The following PDE4D variants were observed in gnomAD, a reference collection of about 807,000 sequenced individuals.
The protein encoded by PDE4D is phosphodiesterase 4D.
In PDE4D, 24 loss-of-function variants were observed where a neutral mutation model predicts 87.4. The ratio of observed to expected loss-of-function variants is 0.27; its 90% CI spans 0.20 to 0.39. PDE4D has a LOEUF of 0.39. Ranked by LOEUF, PDE4D falls within the 10% of genes least tolerant of loss-of-function variation. PDE4D has a pLI of 1.00. For synonymous variants in PDE4D, 384 were observed against 383.2 expected, an observed-to-expected ratio of 1.00 and a Z score of -0.02; for missense variants, 714 against 1,041.0, an observed-to-expected ratio of 0.69 and a Z score of 4.32.
chr5:59,147,194 G>A (rs903715654), intron 5 of PDE4D, among the ~76,000 whole-genome samples: 1 of 152,156 alleles, frequency 6.6e-6, no homozygotes, highest in Non-Finnish European at 1.5e-5. Flanking sequence ...GACCACTGCT[G>A]TATAGCTACA....
chr5:58,990,200 C>T (rs1044527934), intron 9 of PDE4D, among the ~76,000 whole-genome samples: 2 of 152,102 alleles, frequency 1.3e-5, no homozygotes, highest in African/African-American at 2.4e-5. Flanking sequence ...TTTCTATGTC[C>T]CATTATCATG....
At chr5:59,654,832 C>T (rs1015151696) in intron 1 of PDE4D, among the ~76,000 whole-genome samples, 7 of 151,920 alleles carry the variant, frequency 4.6e-5, no homozygotes, top group African/African-American at 1.2e-4. Context: ...TATGTCATTC[C>T]GGCTTCTTTC....
At chr5:59,777,801 T>A (rs1018703086) in intron 1 of PDE4D, among the ~76,000 whole-genome samples, 2 of 152,196 alleles carry the variant, frequency 1.3e-5, no homozygotes, top group African/African-American at 4.8e-5. Flanking sequence ...ATAACAGTAT[T>A]ACATAACAAA....
intron 2 of PDE4D, among the ~76,000 whole-genome samples, chr5:59,203,758 G>A: frequency 6.6e-6 from 1 of 152,210 alleles, no homozygotes; most frequent in Non-Finnish European, 1.5e-5. Flanking sequence ...TAAATACCAT[G>A]TGATCTCACA....
chr5:60,451,309 C>T (rs1746079886), intron 1 of PDE4D, among the ~76,000 whole-genome samples: 1 of 152,072 alleles, frequency 6.6e-6, no homozygotes, highest in African/African-American at 2.4e-5. Flanking sequence ...TACCTGTACA[C>T]AATGTATAAT....
At position 59,425,317 on chromosome 5, in the gene PDE4D, T is replaced by C. The variant is rs1795036760; in HGVS notation, c.456-209349A>G. ...AGCTCTGAAGTTCTCCCTGATTTAA[T>C]TGATTCACATAAGGTTTTTTCCACC... On this transcript the variant is annotated intron_variant, in intron 1 of 14. Transcript: ENST00000340635. Among the ~76,000 whole-genome samples the C allele has an allele frequency of 2.0e-5, 3 of 152,340 alleles. No individual in the cohort carries two copies. In the South Asian group the frequency reaches 6.2e-4, roughly 32 times the overall value.
intron 1 of PDE4D, among the ~76,000 whole-genome samples, chr5:59,248,615 T>C (rs1475246484): frequency 1.3e-5 from 2 of 152,204 alleles, no homozygotes; most frequent in Admixed American, 6.6e-5. Flanking sequence ...AGTTACATCA[T>C]TGTTATAGTT....
intron 11 of PDE4D, among the ~76,000 whole-genome samples, chr5:58,982,899 C>T (rs1037854950): frequency 1.2e-4 from 19 of 152,324 alleles, no homozygotes; most frequent in African/African-American, 3.1e-4. Context: ...CAAGGTCACA[C>T]TTTGGTGAGC....
At chr5:59,918,961 A>T (rs1754374740) in intron 3 of PDE4D, among the ~76,000 whole-genome samples, 1 of 152,226 alleles carries the variant, frequency 6.6e-6, no homozygotes, top group African/African-American at 2.4e-5. Flanking sequence ...TGAATAGTTG[A>T]AATATTCAAG....
At chr5:60,067,297 C>G (rs1387271953) in intron 2 of PDE4D, among the ~76,000 whole-genome samples, 6 of 151,926 alleles carry the variant, frequency 3.9e-5, no homozygotes, top group Non-Finnish European at 1.5e-5. Flanking sequence ...ATTGGACTGG[C>G]CCAGACACAC....
At chr5:59,285,650 G>GA (rs944323402) in intron 1 of PDE4D, among the ~76,000 whole-genome samples, 2 of 152,122 alleles carry the variant, frequency 1.3e-5, no homozygotes, top group Non-Finnish European at 2.9e-5. Context: ...AAATATTTAG[G>GA]AAAAATGGCC....
intron 6 of PDE4D, among the ~76,000 whole-genome samples, chr5:59,033,403 T>C (rs1757929827): frequency 6.6e-6 from 1 of 152,226 alleles, no homozygotes; most frequent in Admixed American, 6.5e-5. Context: ...CAAATAGCCA[T>C]GTAAAAACTG....
intron 1 of PDE4D, among the ~76,000 whole-genome samples, chr5:60,236,461 CA>C (rs1258129202): frequency 6.6e-6 from 1 of 151,824 alleles, no homozygotes; most frequent in African/African-American, 2.4e-5. Flanking sequence ...CTGAAGAAGA[CA>C]TATGGATGGC....
intron 1 of PDE4D, among the ~76,000 whole-genome samples, chr5:59,704,717 C>A (rs564552306): frequency 2.8e-4 from 43 of 152,134 alleles, no homozygotes; most frequent in Non-Finnish European, 4.4e-4. Context: ...ACATTTACAT[C>A]GAGATTGTGT....
At chr5:60,034,474 A>G (rs976254649) in intron 2 of PDE4D, among the ~76,000 whole-genome samples, 2 of 152,034 alleles carry the variant, frequency 1.3e-5, no homozygotes, top group African/African-American at 4.8e-5. Flanking sequence ...CTGCTGTCAC[A>G]TTGCCTTCTT....
intron 1 of PDE4D, among the ~76,000 whole-genome samples, chr5:59,393,709 G>C (rs1161572405): frequency 1.3e-5 from 2 of 152,118 alleles, no homozygotes; most frequent in Non-Finnish European, 2.9e-5. Context: ...CTGGTTTTTA[G>C]GACAATAATT....
At chr5:60,009,073 C>G (rs1013392061) in intron 2 of PDE4D, among the ~76,000 whole-genome samples, 1 of 152,006 alleles carries the variant, frequency 6.6e-6, no homozygotes. Context: ...AGGTCTCTCT[C>G]TAAACATTGA....
chr5:60,131,631 C>G (rs557811616), intron 2 of PDE4D, among the ~76,000 whole-genome samples: 1 of 152,312 alleles, frequency 6.6e-6, no homozygotes, highest in South Asian at 2.1e-4. Flanking sequence ...GACACCCAAC[C>G]AACCTGCAGA....
chr5:59,420,175 C>T (rs1794250955), intron 1 of PDE4D, among the ~76,000 whole-genome samples: 1 of 152,174 alleles, frequency 6.6e-6, no homozygotes, highest in Non-Finnish European at 1.5e-5. Flanking sequence ...TCCTCAGTCA[C>T]AGTACGTGTA....
Sources: allele counts gnomAD v4.1 joint callset (sites outside exome capture counted in the v4.1 genomes callset), GRCh38; gene constraint gnomAD v4.1.1; transcripts MANE v1.5; gene names NCBI Gene and HGNC (gene_info 2026-07-23, HGNC 2026-07-21).